CWC25: variants seen among roughly 807,000 people sequenced by gnomAD.
CWC25 encodes the protein CWC25 spliceosome associated protein.
Under a neutral mutation model 54.6 loss-of-function variants are expected in CWC25, and 31 were observed. The ratio of observed to expected loss-of-function variants is 0.57; its 90% CI spans 0.43 to 0.77. CWC25 has a LOEUF of 0.77. CWC25 is among the 30% of genes least tolerant of loss of function. The pLI is 0.00. For missense variants in CWC25, 453 were observed against 529.3 expected (o/e 0.86, Z 1.41); for synonymous variants, 151 against 187.0 (o/e 0.81, Z 1.57).
At chr17:38,819,551 T>C (rs1004441908) in intron 2 of CWC25, among the ~76,000 whole-genome samples, 11 of 151,216 alleles carry the variant, frequency 7.3e-5, no homozygotes, top group African/African-American at 1.9e-4. Context: ...TTTTTTTTTT[T>C]AGTAGAGATG....
intron 6 of CWC25, 123 bp from the exon 7 acceptor site, chr17:38,807,099 GA>G (rs1396797663): frequency 3.1e-6 from 2 of 653,810 alleles, no homozygotes; most frequent in Non-Finnish European, 5.1e-6. Flanking sequence ...AGGCGGGGGG[GA>G]TCACCTGAGG....
chr17:38,819,790 C>A (rs1362760463), intron 2 of CWC25, among the ~76,000 whole-genome samples: 1 of 151,988 alleles, frequency 6.6e-6, no homozygotes, highest in African/African-American at 2.4e-5. Context: ...TCAAGCAATT[C>A]TCCTGCCTCG....
intron 6 of CWC25, among the ~76,000 whole-genome samples, chr17:38,809,056 A>G (rs1369806568): frequency 6.6e-6 from 1 of 150,676 alleles, no homozygotes. Context: ...AGACCAGCCT[A>G]GGCAAAATAA....
intron 3 of CWC25, among the ~76,000 whole-genome samples, chr17:38,814,509 G>A (rs1288987005): frequency 1.3e-5 from 2 of 151,582 alleles, no homozygotes; most frequent in African/African-American, 4.8e-5. Context: ...GGGAGGCCGA[G>A]GCGGGCGGAT....
At chr17:38,804,126 TACTG>T (rs896749134) in intron 8 of CWC25, among the ~76,000 whole-genome samples, 24 of 152,180 alleles carry the variant, frequency 1.6e-4, no homozygotes, top group South Asian at 6.2e-4. Flanking sequence ...AGGAAGCAAA[TACTG>T]ACACTAGGAA....
chr17:38,821,843 G>A (rs1254691877), intron 1 of CWC25, among the ~76,000 whole-genome samples: 1 of 151,150 alleles, frequency 6.6e-6, no homozygotes, highest in African/African-American at 2.4e-5. Flanking sequence ...TATCTCGGCT[G>A]ACTGCACCCT....
At position 38,820,811 on chromosome 17, in the gene CWC25, G is replaced by A. The variant is rs1040384160; in HGVS notation, c.191+90C>T. The A allele has an allele frequency of 4.2e-6, 6 of 1,425,644 alleles. No homozygotes were observed. The African/African-American group carries it at 8.6e-5, about 20-fold the overall frequency. 88.3% of individuals were successfully genotyped at this position (1,425,644 alleles called of 1,614,324 possible). On this transcript the variant is annotated intron_variant, in intron 2 of 9. Coordinates refer to ENST00000614790, the MANE Select transcript of CWC25 (RefSeq NM_017748.5). The stretch of plus-strand genomic sequence containing the variant: ...CTGGCATTACAACCCATGCCCTTAA[G>A]CACTCAGCCATTATACAACACTGGA...
Position 38,820,967 on chromosome 17 carries a change from C to T in CWC25, c.125G>A (p.Arg42Gln), listed in dbSNP as rs767463882. ...CCGGGCTCTCTCTTCTCGCAGCTCCCGCTGAAGCTCCTCAATCTTCTTCCG... is the reference window on the plus strand; with the variant it reads ...CCGGGCTCTCTCTTCTCGCAGCTCCTGCTGAAGCTCCTCAATCTTCTTCCG... ...AERKKIEELQRELREERAREE... is the reference protein window; with the variant it reads ...AERKKIEELQQELREERAREE... The change falls in exon 2 of 10, where the codon CGG becomes CAG. Residue 42 changes from arginine (R) to glutamine (Q), a missense_variant. By Grantham distance (43) the Arg-to-Gln change is conservative. Transcript: ENST00000614790. 6.5e-5 allele frequency: 105 copies of T among 1,613,884 alleles called. No individual in the cohort carries two copies. Among genetic ancestry groups the T allele is most frequent in the Non-Finnish European group, 7.5e-5 (89 of 1,179,902 alleles).
chr17:38,809,660 A>C, intron 6 of CWC25, 42 bp downstream of exon 6: 1 of 1,585,652 alleles, frequency 6.3e-7, no homozygotes, highest in Non-Finnish European at 8.6e-7. Flanking sequence ...GGCACATCCC[A>C]CAGTCCCACA....
At chr17:38,821,877 C>A (rs571694005) in intron 1 of CWC25, among the ~76,000 whole-genome samples, 1 of 152,004 alleles carries the variant, frequency 6.6e-6, no homozygotes, top group Non-Finnish European at 1.5e-5. Context: ...GCCAGCAATT[C>A]TCCTGCCTCA....
chr17:38,816,308 G>A (rs1911696669), intron 2 of CWC25, among the ~76,000 whole-genome samples: 1 of 152,108 alleles, frequency 6.6e-6, no homozygotes, highest in East Asian at 1.9e-4. Context: ...GAATGCAATG[G>A]TGCGATCATG....
rs540028836 is a variant in CWC25, at chr17:38,806,010, C to T, written c.1001+287G>A. On this transcript the variant is annotated intron_variant, in intron 8 of 9. Transcript: ENST00000614790. ...TATTTTTAGTAGAGATGGGGTTTCA[C>T]CGTGTTGGTTAGGATGGTCTCGACC... is the stretch of plus-strand genomic sequence containing the variant. 3.9e-5 allele frequency among the ~76,000 whole-genome samples: 6 copies of T among 152,008 alleles called. No individual in the cohort carries two copies. In the East Asian group the frequency reaches 1.2e-3, roughly 29 times the overall value.
chr17:38,815,222 T>C, intron 2 of CWC25, 125 bp from the exon 3 acceptor site: 1 of 805,184 alleles, frequency 1.2e-6, no homozygotes, highest in Non-Finnish European at 2.0e-6. Flanking sequence ...TACTGGCACC[T>C]ACCATGCAAT....
intron 2 of CWC25, chr17:38,815,711 C>A: frequency 7.8e-7 from 1 of 1,274,310 alleles, no homozygotes; most frequent in Non-Finnish European, 1.0e-6. Flanking sequence ...TTTACAGAGT[C>A]TTTATATTAT....
chr17:38,824,290 T>C (rs1294076716), intron 1 of CWC25, among the ~76,000 whole-genome samples: 3 of 152,118 alleles, frequency 2.0e-5, no homozygotes, highest in Non-Finnish European at 4.4e-5. Flanking sequence ...TTATATTAAG[T>C]GGTATGAATT....
chr17:38,811,659 T>C (rs1248947420), intron 4 of CWC25, among the ~76,000 whole-genome samples: 2 of 151,904 alleles, frequency 1.3e-5, no homozygotes, highest in Admixed American at 6.6e-5. Flanking sequence ...CAGGACATTA[T>C]AGGGGTTCCC....
intron 3 of CWC25, among the ~76,000 whole-genome samples, 172 bp downstream of exon 3, chr17:38,814,689 T>G (rs1195109334): frequency 6.8e-5 from 9 of 132,522 alleles, no homozygotes; most frequent in African/African-American, 2.7e-4. Flanking sequence ...GAGCTTGTAG[T>G]GAGCAGAGAT....
At chr17:38,818,947 C>T (rs1030955812) in intron 2 of CWC25, among the ~76,000 whole-genome samples, 1 of 152,098 alleles carries the variant, frequency 6.6e-6, no homozygotes, top group Non-Finnish European at 1.5e-5. Context: ...AATGTCAAAA[C>T]AATTTTTACC....
chr17:38,821,026 T>C lies in CWC25; in HGVS notation c.66A>G (p.Lys22=). The change falls in exon 2 of 10, where the codon AAA becomes AAG. Residue 22 remains lysine (K), a synonymous_variant. Coordinates refer to ENST00000614790, the MANE Select transcript of CWC25 (RefSeq NM_017748.5). ...CATGCTTCTGCTCGGCCTTCCACAC[T>C]TTCTCCACATTCCTGAGGGTCTGCG... ...WHPQTLRNVE[K]VWKAEQKHEA... The C allele has an allele frequency of 2.5e-6, 4 of 1,613,948 alleles. No individual in the cohort carries two copies. Among genetic ancestry groups the C allele is most frequent in the South Asian group, 1.1e-5 (1 of 91,082 alleles).
Sources: gnomAD v4.1 joint callset for allele counts (sites outside exome capture counted in the v4.1 genomes callset) on GRCh38, gnomAD v4.1.1 for gene constraint, MANE v1.5 for transcripts, NCBI Gene and HGNC (gene_info 2026-07-23, HGNC 2026-07-21) for gene names.